Variants in SMAD9 observed in about 807,000 individuals in gnomAD.
The protein encoded by SMAD9 is MAD homolog 9.
In SMAD9, 36 loss-of-function variants were observed where a neutral mutation model predicts 46.1. That is an observed-to-expected ratio of 0.78 (90% confidence interval 0.60 to 1.03). SMAD9 has a LOEUF of 1.03. Among genes scored for constraint, SMAD9 ranks in the 50% least tolerant of loss-of-function variants. The pLI, the probability that SMAD9 is intolerant of heterozygous loss-of-function variation, is 0.00. For synonymous variants in SMAD9, 245 were observed against 237.1 expected, an observed-to-expected ratio of 1.03 and a Z score of -0.31; for missense variants, 572 against 599.8, an observed-to-expected ratio of 0.95 and a Z score of 0.48.
chr13:36,853,362 C>A, intron 6 of SMAD9, 57 bp downstream of exon 6: 2 of 1,588,780 alleles, frequency 1.3e-6, no homozygotes, highest in Non-Finnish European at 1.7e-6. Context: ...AGTCAGGGTG[C>A]TTTTTTGTTT....
intron 1 of SMAD9, among the ~76,000 whole-genome samples, chr13:36,903,389 T>A (rs1426936814): frequency 3.9e-5 from 6 of 152,100 alleles, no homozygotes; most frequent in African/African-American, 1.2e-4. Flanking sequence ...CCTCCCAAAG[T>A]GCTGGGATTA....
chr13:36,900,245 C>T (rs938774825), intron 1 of SMAD9, among the ~76,000 whole-genome samples: 1 of 152,108 alleles, frequency 6.6e-6, no homozygotes, highest in Non-Finnish European at 1.5e-5. Context: ...GGACTTTACT[C>T]AAATATCTTA....
upstream of SMAD9, chr13:36,920,596 T>C (rs2058738417): frequency 6.6e-6 from 1 of 152,146 alleles, no homozygotes; most frequent in Non-Finnish European, 1.5e-5. Flanking sequence ...GAGCCCTTTG[T>C]CTGCGTGGGT....
chr13:36,860,627 T>C (rs1264795572), intron 5 of SMAD9, among the ~76,000 whole-genome samples: 1 of 151,396 alleles, frequency 6.6e-6, no homozygotes, highest in Non-Finnish European at 1.5e-5. Flanking sequence ...TTTTTTTTTG[T>C]ATTTTTTAGT....
intron 1 of SMAD9, among the ~76,000 whole-genome samples, chr13:36,900,169 G>T (rs1373651070): frequency 6.6e-6 from 1 of 152,126 alleles, no homozygotes; most frequent in East Asian, 1.9e-4. Flanking sequence ...CTATTTCAAA[G>T]CACTTACTGT....
At chr13:36,875,522 A>T (rs1201216279) in intron 2 of SMAD9, among the ~76,000 whole-genome samples, 1 of 152,246 alleles carries the variant, frequency 6.6e-6, no homozygotes, top group African/African-American at 2.4e-5. Context: ...GACATGGATC[A>T]TAAACCATTA....
intron 1 of SMAD9, among the ~76,000 whole-genome samples, chr13:36,889,832 G>A (rs755215304): frequency 1.3e-5 from 2 of 151,928 alleles, no homozygotes; most frequent in Non-Finnish European, 2.9e-5. Flanking sequence ...CCCTTAAAAA[G>A]AACCAAACCT....
At chr13:36,895,803 G>C in intron 1 of SMAD9, among the ~76,000 whole-genome samples, 1 of 152,104 alleles carries the variant, frequency 6.6e-6, no homozygotes, top group Non-Finnish European at 1.5e-5. Context: ...AGTTACTCAG[G>C]TTGAAGACAT....
In SMAD9 at chr13:36,879,677, T is replaced by C. The variant is rs547510170; in HGVS notation, c.13A>G (p.Thr5Ala). The part of the protein sequence containing the change: MHST[T>A]PISSLFSFTS... ...AAGGAGAAGAGGGAGCTGATGGGGG[T>C]GGTGGAGTGCATAAGAGGCCACAGC... Residue 5 changes from threonine to alanine, a missense_variant, in exon 2 of 7, where the codon ACC becomes GCC. Coordinates refer to ENST00000379826, the MANE Select transcript of SMAD9 (RefSeq NM_001127217.3). 1.2e-5 allele frequency: 19 copies of C among 1,613,416 alleles called. No homozygotes were observed. The highest frequency in any genetic ancestry group is 1.6e-5 in the Non-Finnish European group (19 of 1,179,910).
chr13:36,919,891 G>A (rs1175073931), intron 1 of SMAD9, among the ~76,000 whole-genome samples: 1 of 123,184 alleles, frequency 8.1e-6, no homozygotes, highest in Non-Finnish European at 1.6e-5. Flanking sequence ...ACCGCCAAAA[G>A]CCAAGCCTCA....
rs1165885713 is a variant in SMAD9 at position 36,919,759 on chromosome 13, G to A, written c.-187+357C>T. On this transcript the variant is annotated intron_variant, in intron 1 of 6. Coordinates refer to ENST00000379826, the MANE Select transcript of SMAD9 (RefSeq NM_001127217.3). ...GGGCCCGCGGCGCGGGCGGATGCAG[G>A]CGCGAGGAAGGCGAGCTGCGCCGCG... Among the ~76,000 whole-genome samples, 16 of 150,262 alleles carry A rather than the reference G, an allele frequency of 1.1e-4. No homozygotes were observed. The South Asian group carries it at 3.0e-3, about 28-fold the overall frequency.
At chr13:36,862,831 C>T (rs989081751) in intron 5 of SMAD9, among the ~76,000 whole-genome samples, 3 of 152,244 alleles carry the variant, frequency 2.0e-5, no homozygotes, top group Middle Eastern at 6.8e-3. Context: ...AAGGCCTTCC[C>T]TGGTTACGCT....
intron 1 of SMAD9, among the ~76,000 whole-genome samples, chr13:36,913,590 A>G (rs1393592193): frequency 6.6e-6 from 1 of 152,232 alleles, no homozygotes; most frequent in Non-Finnish European, 1.5e-5. Flanking sequence ...GAAAGCAAGT[A>G]AAACTGCCAC....
chr13:36,852,696 A>G (rs1317423699), intron 6 of SMAD9, among the ~76,000 whole-genome samples: 3 of 152,210 alleles, frequency 2.0e-5, no homozygotes, highest in Non-Finnish European at 4.4e-5. Context: ...CATAAATATT[A>G]TCTCCTCCAT....
At chr13:36,898,931 A>G (rs1282537181) in intron 1 of SMAD9, among the ~76,000 whole-genome samples, 1 of 152,236 alleles carries the variant, frequency 6.6e-6, no homozygotes, top group Non-Finnish European at 1.5e-5. Context: ...TAAAGCAAAC[A>G]AACAAAACCA....
intron 1 of SMAD9, among the ~76,000 whole-genome samples, chr13:36,886,867 G>A (rs527803908): frequency 6.6e-5 from 10 of 152,126 alleles, no homozygotes; most frequent in South Asian, 4.2e-4. Flanking sequence ...CAGGGGTGGA[G>A]AGAATTCCAT....
intron 3 of SMAD9, among the ~76,000 whole-genome samples, chr13:36,870,609 A>G (rs1297896053): frequency 8.1e-6 from 1 of 123,454 alleles, no homozygotes; most frequent in East Asian, 1.9e-4. Flanking sequence ...AAGGTCAGAG[A>G]CCACAGTAGT....
intron 1 of SMAD9, among the ~76,000 whole-genome samples, chr13:36,914,800 T>C (rs978572522): frequency 9.9e-5 from 15 of 152,194 alleles, no homozygotes; most frequent in Admixed American, 6.5e-4. Context: ...AGAAAGCAAC[T>C]CCTGGCACTT....
intron 5 of SMAD9, among the ~76,000 whole-genome samples, chr13:36,863,261 C>T (rs377022363): frequency 2.6e-5 from 4 of 152,108 alleles, no homozygotes; most frequent in African/African-American, 9.7e-5. Context: ...TTTTTTCCAC[C>T]CACACGCTTT....
Sources: allele counts gnomAD v4.1 joint callset (sites outside exome capture counted in the v4.1 genomes callset), GRCh38; gene constraint gnomAD v4.1.1; transcripts MANE v1.5; gene names NCBI Gene and HGNC (gene_info 2026-07-23, HGNC 2026-07-21).